CATSPERE: variants seen among roughly 807,000 people sequenced by gnomAD.
CATSPERE encodes catsper channel auxiliary subunit epsilon.
In CATSPERE, 93 loss-of-function variants were observed where a neutral mutation model predicts 114.1. That is an observed-to-expected ratio of 0.81 (90% CI 0.69 to 0.97). CATSPERE has a LOEUF of 0.97. CATSPERE is among the 50% of genes least tolerant of loss of function. The pLI, the probability that CATSPERE is intolerant of heterozygous loss-of-function variation, is 0.00. For synonymous variants in CATSPERE, 341 were observed against 384.1 expected (o/e 0.89, Z 1.31); for missense variants, 1,058 against 1,131.6 (o/e 0.93, Z 0.93).
chr1:244,573,272 G>A lies in CATSPERE; in HGVS notation c.1950+500G>A, dbSNP rs1018983116. Among the ~76,000 whole-genome samples, 7 of 151,948 alleles carry A rather than the reference G, an allele frequency of 4.6e-5. No homozygotes were observed. The highest frequency in any genetic ancestry group is 9.7e-5 in the African/African-American group (4 of 41,380). ...TAAAAATACAAAAAATTAGCCAGGC[G>A]TCATGGCGGGTGCCTGTAGTCCCAG... On this transcript the variant is annotated intron_variant, in intron 11 of 21. Transcript: ENST00000366534. This position sits in a 1 kb window ranked among gnomAD's most constrained non-coding sequence, Gnocchi z 4.0.
chr1:244,588,219 T>C (rs938470229), intron 13 of CATSPERE, among the ~76,000 whole-genome samples: 4 of 146,738 alleles, frequency 2.7e-5, no homozygotes, highest in African/African-American at 1.0e-4. Flanking sequence ...AAAGATGAAT[T>C]TGGATCAATT....
At chr1:244,463,887 A>G (rs1558303495) in intron 1 of CATSPERE, 21 bp from the exon 2 acceptor site, 1 of 1,568,274 alleles carries the variant, frequency 6.4e-7, no homozygotes, top group Non-Finnish European at 8.8e-7. Context: ...TAATATTTAT[A>G]CTTGGCCTCT....
At position 244,560,701 on chromosome 1, in the gene CATSPERE, A is replaced by G; in HGVS notation, c.1063A>G (p.Thr355Ala). 1 of 1,612,826 alleles carries G rather than the reference A, an allele frequency of 6.2e-7. No individual in the cohort carries two copies. Among genetic ancestry groups the G allele is most frequent in the East Asian group, 2.2e-5 (1 of 44,842 alleles). ...AAGAAGAAGCACCTTTGCAGTCTGG[A>G]CAGAAAATGAAATTTACCTCGGATC... is the stretch of plus-strand genomic sequence containing the variant. ...KGRRSTFAVW[T>A]ENEIYLGSIL... The change falls in exon 10 of 22, where the codon ACA becomes GCA. Residue 355 changes from threonine to alanine, a missense_variant. Thr to Ala is a moderately conservative substitution (Grantham distance 58, BLOSUM62 0). Around this residue, in one of 2 missense-constraint regions of CATSPERE, gnomAD observed 787 missense variants for 905.6 expected, o/e 0.87. Transcript: ENST00000366534.
rs1208021481 is a variant in CATSPERE at position 244,593,558 on chromosome 1, G to T, written c.2283G>T (p.Lys761Asn). Residue 761 changes from lysine (K) to asparagine (N), a missense_variant, in exon 17 of 22, where the codon AAG becomes AAT. This residue lies in a region of CATSPERE where 787 missense variants were observed against 905.6 expected (regional missense o/e 0.87). Transcript: ENST00000366534. ...CTCTGAGGCTTGACTTCACAGAAAA[G>T]TTTCAACCTGTGGTTCAACTGTAAG... is the stretch of plus-strand genomic sequence containing the variant. ...GCPLRLDFTE[K>N]FQPVVQLFDD... 2 of 1,613,818 alleles carry T rather than the reference G, an allele frequency of 1.2e-6. No individual in the cohort carries two copies. The highest frequency in any genetic ancestry group is 1.7e-6 in the Non-Finnish European group (2 of 1,179,786).
chr1:244,576,353 G>A lies in CATSPERE; in HGVS notation c.1950+3581G>A, dbSNP rs1196367246. ...GTCACCATTTTGTTGTAAGTAAAAT[G>A]TTTATCCAGAAACAGAATGCTTGTT... On this transcript the variant is annotated intron_variant, in intron 11 of 21. Coordinates refer to ENST00000366534, the MANE Select transcript of CATSPERE (RefSeq NM_001130957.2). Among the ~76,000 whole-genome samples, 11 of 151,740 alleles carry A rather than the reference G, an allele frequency of 7.2e-5. No individual in the cohort carries two copies. In the East Asian group the frequency reaches 2.0e-3, roughly 27 times the overall value.
At chr1:244,615,939 C>G (rs1671324300) in intron 19 of CATSPERE, among the ~76,000 whole-genome samples, 1 of 139,256 alleles carries the variant, frequency 7.2e-6, no homozygotes, top group East Asian at 2.1e-4. Context: ...TATAGTGAGA[C>G]CCCCATCTCC....
intron 11 of CATSPERE, among the ~76,000 whole-genome samples, chr1:244,580,211 ATTTT>A (rs747379847): frequency 9.0e-6 from 1 of 110,846 alleles, no homozygotes; most frequent in Non-Finnish European, 2.0e-5. Flanking sequence ...TAATTTTTGT[ATTTT>A]TTTTTTTTTT....
chr1:244,552,409 T>G lies in CATSPERE; in HGVS notation c.624T>G (p.Ile208Met). 1 of 1,614,184 alleles carries G rather than the reference T, an allele frequency of 6.2e-7. No individual in the cohort carries two copies. Among genetic ancestry groups the G allele is most frequent in the South Asian group, 1.1e-5 (1 of 91,078 alleles). Residue 208 changes from isoleucine to methionine, a missense_variant, in exon 9 of 22, where the codon ATT becomes ATG. Transcript: ENST00000366534. ...GNQVTFQDCFIADFLILLTFP... is the reference protein window; with the variant it reads ...GNQVTFQDCFMADFLILLTFP... ...AAGTTACTTTTCAGGATTGCTTTAT[T>G]GCAGATTTTCTTATTCTGTTGACTT...
rs1674492734 is a variant in CATSPERE, at chr1:244,504,255, A to G, written c.429+5176A>G. Among the ~76,000 whole-genome samples the G allele has an allele frequency of 6.6e-6, 1 of 152,228 alleles. No homozygotes were observed. Among genetic ancestry groups the G allele is most frequent in the Admixed American group, 6.5e-5 (1 of 15,290 alleles). ...AGCATTTTGAAAGAGTTTTTTAAAT[A>G]TAAGGTTTCTATGTCCTCACCTTGC... On this transcript the variant is annotated intron_variant, in intron 7 of 21. Transcript: ENST00000366534. The surrounding 1 kb of genome is among the most constrained non-coding windows in gnomAD (Gnocchi z 4.1).
intron 8 of CATSPERE, among the ~76,000 whole-genome samples, chr1:244,539,890 G>C (rs1015770296): frequency 1.3e-5 from 2 of 150,000 alleles, no homozygotes; most frequent in African/African-American, 2.5e-5. Context: ...CTTGCTAGTG[G>C]TCTATCAATT....
At chr1:244,533,654 C>T (rs1679947589) in intron 8 of CATSPERE, among the ~76,000 whole-genome samples, 1 of 152,120 alleles carries the variant, frequency 6.6e-6, no homozygotes, top group Admixed American at 6.5e-5. Context: ...GCATTCTACA[C>T]TTTAACCTTG....
At chr1:244,596,512 C>T (rs1668453382) in intron 17 of CATSPERE, among the ~76,000 whole-genome samples, 1 of 151,808 alleles carries the variant, frequency 6.6e-6, no homozygotes, top group Admixed American at 6.6e-5. Flanking sequence ...ACCTGCATCA[C>T]TAGGAAGAGA....
At chr1:244,468,442 T>C (rs536477658) in intron 2 of CATSPERE, among the ~76,000 whole-genome samples, 13 of 152,166 alleles carry the variant, frequency 8.5e-5, no homozygotes, top group Non-Finnish European at 1.6e-4. Context: ...TCCATTATTA[T>C]TTTTATGTAG....
intron 8 of CATSPERE, among the ~76,000 whole-genome samples, chr1:244,528,789 A>ACACGCACG (rs775873171): frequency 2.8e-4 from 36 of 129,378 alleles, no homozygotes; most frequent in African/African-American, 1.3e-3. Context: ...CCCCCACCAC[A>ACACGCACG]CACACACACA....
Position 244,461,485 on chromosome 1 carries a change from C to A in CATSPERE, c.56C>A (p.Ala19Asp). ...LLLWLSCYGS[A>D]LWRYSTNSPN... ...CTGTGGCTGAGCTGCTATGGCTCCG[C>A]CCTTTGGAGGTAGAGAGACGCCAGT... Residue 19 changes from alanine (A) to aspartate (D), a missense_variant, in exon 1 of 22, where the codon GCC becomes GAC. Physicochemically the swap from Ala to Asp is moderately radical, Grantham distance 126. Around this residue, in one of 2 missense-constraint regions of CATSPERE, gnomAD observed 271 missense variants for 225.9 expected, o/e 1.20. Transcript: ENST00000366534. 2 of 1,328,104 alleles carry A rather than the reference C, an allele frequency of 1.5e-6. No individual in the cohort carries two copies. The highest frequency in any genetic ancestry group is 2.3e-5 in the South Asian group (1 of 42,838). 82.3% of individuals were successfully genotyped at this position (1,328,104 alleles called of 1,614,324 possible). A position where few individuals can be genotyped will look rare whatever the true frequency, so the allele number is the denominator to read the frequency against.
rs1174627366 is a variant in CATSPERE at position 244,540,803 on chromosome 1, CAG to C, written c.537-11515_537-11514del. ...AAACAGCATGGTACAGCTACCAAAA[CAG>C]AGATATAGATCAATGGAACATAACA... is the stretch of plus-strand genomic sequence containing the variant. On this transcript the variant is annotated intron_variant, in intron 8 of 21. Transcript: ENST00000366534. 4.3e-4 allele frequency among the ~76,000 whole-genome samples: 43 copies of C among 100,126 alleles called. 1 individual carries two copies. Among genetic ancestry groups the C allele is most frequent in the Non-Finnish European group, 8.4e-4 (39 of 46,366 alleles). 65.7% of individuals were successfully genotyped at this position (100,126 alleles called of 152,430 possible).
intron 8 of CATSPERE, among the ~76,000 whole-genome samples, chr1:244,529,554 T>C (rs1679263559): frequency 6.6e-6 from 1 of 152,184 alleles, no homozygotes; most frequent in African/African-American, 2.4e-5. Flanking sequence ...TCTTTATATA[T>C]TCTGGTTATT....
chr1:244,561,178 A>C lies in CATSPERE; in HGVS notation c.1507+33A>C, dbSNP rs372359970. On this transcript the variant is annotated intron_variant, in intron 10 of 21. Coordinates refer to ENST00000366534, the MANE Select transcript of CATSPERE (RefSeq NM_001130957.2). ...ATTCTCAGTCCACTAACATTATTCT[A>C]GATTTCACTATAGACATCTTCCTTA... 8 of 1,372,894 alleles carry C rather than the reference A, an allele frequency of 5.8e-6. 1 individual carries two copies. Among genetic ancestry groups the C allele is most frequent in the Non-Finnish European group, 8.1e-6 (8 of 982,024 alleles). 85.0% of individuals were successfully genotyped at this position (1,372,894 alleles called of 1,614,324 possible).
chr1:244,451,772 C>T (rs906629171), upstream of CATSPERE: 1 of 1,600,242 alleles, frequency 6.2e-7, no homozygotes, highest in African/African-American at 1.3e-5. This position sits in a 1 kb window ranked among gnomAD's most constrained non-coding sequence, Gnocchi z 6.6. Context: ...CCGCAATCGC[C>T]GTTGGGCAGG....
Sources: allele counts gnomAD v4.1 joint callset (sites outside exome capture counted in the v4.1 genomes callset), GRCh38; gene constraint gnomAD v4.1.1; regional missense constraint gnomAD v4.1.1; non-coding constraint Gnocchi (gnomAD v3.1); transcripts MANE v1.5; gene names NCBI Gene and HGNC (gene_info 2026-07-23, HGNC 2026-07-21).